The following ADGRB3 variants were observed in gnomAD, a reference collection of about 807,000 sequenced individuals.
The protein encoded by ADGRB3 is brain-specific angiogenesis inhibitor 3.
ADGRB3 carries 37 observed loss-of-function variants against 193.4 expected under a neutral mutation model. The ratio of observed to expected loss-of-function variants is 0.19; its 90% CI spans 0.15 to 0.25. ADGRB3 has a LOEUF of 0.25. Ranked by LOEUF, ADGRB3 falls within the 10% of genes least tolerant of loss-of-function variation. The probability of loss-of-function intolerance (pLI) is 1.00; values close to 1 mark genes in which losing one functional copy is unlikely to be tolerated. For synonymous variants in ADGRB3, 690 were observed against 644.2 expected, an observed-to-expected ratio of 1.07 and a Z score of -1.08; for missense variants, 1,637 against 1,852.9, an observed-to-expected ratio of 0.88 and a Z score of 2.14.
At chr6:69,269,504 C>T (rs754999364) in intron 20 of ADGRB3, among the ~76,000 whole-genome samples, 1 of 152,024 alleles carries the variant, frequency 6.6e-6, no homozygotes, top group Non-Finnish European at 1.5e-5. Context: ...CAAGTAGTTC[C>T]CTTTAATCAG....
chr6:69,166,531 C>T (rs138231194), intron 17 of ADGRB3, among the ~76,000 whole-genome samples: 1,574 of 152,140 alleles, frequency 0.01, 30 homozygotes, highest in African/African-American at 0.036. Context: ...CTGATAGGTA[C>T]ATTCACTCCT....
chr6:68,969,220 TA>T (rs1449267845), intron 8 of ADGRB3, among the ~76,000 whole-genome samples: 5 of 152,172 alleles, frequency 3.3e-5, no homozygotes, highest in African/African-American at 1.2e-4. Flanking sequence ...AGGGCTATAA[TA>T]TTCATATATT....
chr6:69,049,303 G>T lies in ADGRB3; in HGVS notation c.2290G>T (p.Ala764Ser), dbSNP rs112866971. Reference protein sequence around the residue: ...LDESSVFVLGAVLYKNLDLIL... With the variant: ...LDESSVFVLGSVLYKNLDLIL... ...TGAATCATCTGTATTTGTTCTTGGC[G>T]CAGTCCTATACAAAAACTTAGATCT... is the stretch of plus-strand genomic sequence containing the variant. Residue 764 changes from alanine to serine, a missense_variant, in exon 15 of 32, where the codon GCA becomes TCA. This residue lies in a region of ADGRB3 where 641 missense variants were observed against 673.9 expected (regional missense o/e 0.95). Transcript: ENST00000370598. The T allele has an allele frequency of 9.9e-6, 16 of 1,608,180 alleles. No individual in the cohort carries two copies. The highest frequency in any genetic ancestry group is 1.3e-5 in the African/African-American group (1 of 74,674).
intron 20 of ADGRB3, among the ~76,000 whole-genome samples, chr6:69,306,364 A>G (rs984678190): frequency 4.0e-5 from 6 of 151,548 alleles, no homozygotes; most frequent in South Asian, 2.1e-4. Context: ...AAAGTCTTCA[A>G]TCTCTGTCAT....
intron 20 of ADGRB3, among the ~76,000 whole-genome samples, chr6:69,252,766 C>A (rs892689095): frequency 6.6e-6 from 1 of 151,922 alleles, no homozygotes; most frequent in Non-Finnish European, 1.5e-5. Flanking sequence ...TTAATGGCAT[C>A]TTTTGCTGAG....
chr6:68,890,836 G>A lies in ADGRB3; in HGVS notation c.758-39723G>A, dbSNP rs181475144. Among the ~76,000 whole-genome samples the A allele has an allele frequency of 1.4e-3, 218 of 152,286 alleles. 1 individual carries two copies. Among genetic ancestry groups the A allele is most frequent in the African/African-American group, 5.1e-3 (210 of 41,550 alleles). ...AATGCCATAAATGGATCTTAAAGGA[G>A]AGTTATGACAATCATAGAGGGAGGT... On this transcript the variant is annotated intron_variant, in intron 3 of 31. Coordinates refer to ENST00000370598, the MANE Select transcript of ADGRB3 (RefSeq NM_001704.3).
chr6:68,926,052 A>C (rs1401777176), intron 3 of ADGRB3, among the ~76,000 whole-genome samples: 1 of 152,056 alleles, frequency 6.6e-6, no homozygotes, highest in Non-Finnish European at 1.5e-5. Context: ...CAAGTACTTC[A>C]CAGATAATTT....
At chr6:69,219,872 A>G (rs191649833) in intron 17 of ADGRB3, among the ~76,000 whole-genome samples, 3 of 152,138 alleles carry the variant, frequency 2.0e-5, no homozygotes. Flanking sequence ...CTATATGTGT[A>G]ATGTACATTA....
chr6:68,966,782 G>A (rs1294391463), intron 8 of ADGRB3, among the ~76,000 whole-genome samples: 2 of 152,168 alleles, frequency 1.3e-5, no homozygotes, highest in East Asian at 1.9e-4. Context: ...TCTATGTGTA[G>A]TATTTAACAA....
chr6:68,887,566 G>GA (rs895628043), intron 3 of ADGRB3, among the ~76,000 whole-genome samples: 34 of 151,904 alleles, frequency 2.2e-4, no homozygotes, highest in Admixed American at 1.5e-3. Context: ...TATTATAATG[G>GA]AAAAAAATTT....
chr6:68,947,336 T>C (rs984732065), intron 6 of ADGRB3, among the ~76,000 whole-genome samples: 1 of 152,126 alleles, frequency 6.6e-6, no homozygotes, highest in African/African-American at 2.4e-5. Context: ...TGAATTTTCA[T>C]TGTAGTCATT....
intron 13 of ADGRB3, among the ~76,000 whole-genome samples, chr6:69,037,269 C>T (rs867647632): frequency 3.3e-5 from 5 of 152,062 alleles, no homozygotes; most frequent in South Asian, 2.1e-4. Context: ...AATTAGTAAA[C>T]GTTTGTTGAA....
intron 29 of ADGRB3, 126 bp from the exon 30 acceptor site, chr6:69,372,280 G>T: frequency 4.5e-6 from 2 of 445,276 alleles, no homozygotes; most frequent in Non-Finnish European, 8.0e-6. Context: ...TTTTCCTTAT[G>T]TGAAGGAAAT....
intron 17 of ADGRB3, among the ~76,000 whole-genome samples, chr6:69,119,528 C>G (rs188397801): frequency 2.3e-4 from 35 of 152,208 alleles, no homozygotes; most frequent in Middle Eastern, 6.8e-3. Context: ...GGGATATGGT[C>G]AGCATAACAC....
intron 3 of ADGRB3, among the ~76,000 whole-genome samples, chr6:68,797,187 G>A (rs983167463): frequency 5.9e-5 from 9 of 152,024 alleles, no homozygotes; most frequent in South Asian, 4.1e-4. Flanking sequence ...GGTCAATCAC[G>A]CTGATAGTAG....
chr6:68,823,725 A>T (rs1767789228), intron 3 of ADGRB3, among the ~76,000 whole-genome samples: 1 of 152,130 alleles, frequency 6.6e-6, no homozygotes, highest in Non-Finnish European at 1.5e-5. Flanking sequence ...TACTTAGAAT[A>T]TGGGGGTCAT....
chr6:69,386,978 T>C (rs1476377759), intron 31 of ADGRB3, among the ~76,000 whole-genome samples: 1 of 152,242 alleles, frequency 6.6e-6, no homozygotes, highest in East Asian at 1.9e-4. Flanking sequence ...TATTAAATTC[T>C]CCAGGCATCA....
intron 4 of ADGRB3, among the ~76,000 whole-genome samples, chr6:68,934,141 T>C (rs1767423106): frequency 6.6e-6 from 1 of 152,132 alleles, no homozygotes. Context: ...AACTATGGGA[T>C]TTGAGTTATA....
intron 17 of ADGRB3, among the ~76,000 whole-genome samples, chr6:69,197,153 T>A (rs1281121176): frequency 6.6e-6 from 1 of 152,096 alleles, no homozygotes; most frequent in Non-Finnish European, 1.5e-5. Context: ...TTTTTAAAAA[T>A]CTGCTAGTAT....
Sources: allele counts gnomAD v4.1 joint callset (sites outside exome capture counted in the v4.1 genomes callset), GRCh38; gene constraint gnomAD v4.1.1; regional missense constraint gnomAD v4.1.1; transcripts MANE v1.5; gene names NCBI Gene and HGNC (gene_info 2026-07-23, HGNC 2026-07-21).